The following BRINP2 variants were observed in gnomAD, a reference collection of about 807,000 sequenced individuals.
BRINP2 encodes BMP/retinoic acid inducible neural specific 2, also known as BMP/retinoic acid-inducible neural-specific protein 2.
A neutral mutation model predicts 69.2 loss-of-function variants in BRINP2; 21 were observed. The observed-to-expected ratio is 0.30, with a 90% CI of 0.22 to 0.44. The LOEUF is 0.44. Ranked by LOEUF, BRINP2 falls within the 20% of genes least tolerant of loss-of-function variation. BRINP2 has a pLI of 1.00. For synonymous variants in BRINP2, 380 were observed against 394.1 expected (o/e 0.96, Z 0.42); for missense variants, 877 against 986.0 (o/e 0.89, Z 1.48).
intron 2 of BRINP2, among the ~76,000 whole-genome samples, chr1:177,237,908 T>C (rs1005009195): frequency 6.6e-6 from 1 of 152,138 alleles, no homozygotes; most frequent in African/African-American, 2.4e-5. Context: ...GAATAGCTTT[T>C]TCTAGGTCAA....
chr1:177,230,085 A>C lies in BRINP2; in HGVS notation c.209A>C (p.Glu70Ala), dbSNP rs763621067. The C allele has an allele frequency of 1.2e-6, 2 of 1,613,600 alleles. No individual in the cohort carries two copies. The highest frequency in any genetic ancestry group is 2.7e-5 in the African/African-American group (2 of 74,920). Reference protein sequence around the residue: ...TDRGPFHRAQEYADFMERYRQ... With the variant: ...TDRGPFHRAQAYADFMERYRQ... ...CGGGGCCCCTTCCACCGCGCTCAGG[A>C]GTATGCTGACTTCATGGAGCGGTAC... The change falls in exon 2 of 8, where the codon GAG (glutamate) becomes GCG (alanine). Residue 70 changes from glutamate (E) to alanine (A), a missense_variant. By Grantham distance (107) the Glu-to-Ala change is moderately radical (BLOSUM62 -1). Around this residue, in one of 3 missense-constraint regions of BRINP2, gnomAD observed 566 missense variants for 625.2 expected, o/e 0.91. Transcript: ENST00000361539.
At position 177,199,265 on chromosome 1, in the gene BRINP2, T is replaced by C. The variant is rs559360926; in HGVS notation, c.-77+27533T>C. Among the ~76,000 whole-genome samples, 16 of 152,332 alleles carry C rather than the reference T, an allele frequency of 1.1e-4. No homozygotes were observed. The East Asian group carries it at 2.5e-3, about 24-fold the overall frequency. On this transcript the variant is annotated intron_variant, in intron 1 of 7. Transcript: ENST00000361539. ...AGGAAAATCAATGACCTATTTTCAG[T>C]AGGGTGGTGGTTTTGGTTTCCAACT...
chr1:177,273,552 C>T lies in BRINP2; in HGVS notation c.734C>T (p.Ser245Phe), dbSNP rs138487282. The T allele has an allele frequency of 3.1e-6, 5 of 1,609,392 alleles. No homozygotes were observed. The African/African-American group carries it at 6.7e-5, about 22-fold the overall frequency. Reference sequence around the variant, plus strand: ...TATGACAATCTGGACTCAGTCAGTTCTGTCTTGGTACAGAGTCCAGAGAAC... The same window carrying T: ...TATGACAATCTGGACTCAGTCAGTTTTGTCTTGGTACAGAGTCCAGAGAAC... ...SNYDNLDSVSSVLVQSPENKV... is the reference protein window; with the variant it reads ...SNYDNLDSVSFVLVQSPENKV... The change falls in exon 5 of 8, where the codon TCT (serine) becomes TTT (phenylalanine). Residue 245 changes from serine to phenylalanine, a missense_variant. Ser to Phe is a radical substitution (Grantham distance 155, BLOSUM62 -2). This residue lies in a region of BRINP2 where 566 missense variants were observed against 625.2 expected (regional missense o/e 0.91). Transcript: ENST00000361539.
chr1:177,255,152 A>G (rs2102345664), intron 2 of BRINP2, among the ~76,000 whole-genome samples: 1 of 152,356 alleles, frequency 6.6e-6, no homozygotes, highest in South Asian at 2.1e-4. Context: ...CACAATTATG[A>G]AAACAGATTG....
intron 4 of BRINP2, among the ~76,000 whole-genome samples, chr1:177,269,110 C>T (rs1225350946): frequency 1.3e-5 from 2 of 152,180 alleles, no homozygotes; most frequent in Non-Finnish European, 2.9e-5. Flanking sequence ...TCCCCTGCAG[C>T]CCCCGGATTT....
rs1571953883 is a variant in BRINP2 at position 177,281,351 on chromosome 1, C to T, written c.2175C>T (p.Asp725=). 4 of 1,614,046 alleles carry T rather than the reference C, an allele frequency of 2.5e-6. No individual in the cohort carries two copies. The highest frequency in any genetic ancestry group is 3.4e-6 in the Non-Finnish European group (4 of 1,180,044). ...TCTTGCAGCTCATTGAGCTCAGGGACCGGGTGAACCAGCTTTCTCCACCTG... is the reference window on the plus strand; with the variant it reads ...TCTTGCAGCTCATTGAGCTCAGGGATCGGGTGAACCAGCTTTCTCCACCTG... ...SALLQLIELR[D]RVNQLSPPGK... is the part of the protein sequence containing the mutation. Residue 725 remains aspartate, a synonymous_variant, in exon 8 of 8, where the codon GAC becomes GAT. Coordinates refer to ENST00000361539, the MANE Select transcript of BRINP2 (RefSeq NM_021165.4).
intron 1 of BRINP2, among the ~76,000 whole-genome samples, chr1:177,193,588 C>A (rs1016594470): frequency 2.0e-5 from 3 of 152,142 alleles, no homozygotes; most frequent in African/African-American, 7.2e-5. Flanking sequence ...AGTGATTTGA[C>A]AAAATTTGTA....
At chr1:177,255,158 G>A (rs919805480) in intron 2 of BRINP2, among the ~76,000 whole-genome samples, 1 of 152,202 alleles carries the variant, frequency 6.6e-6, no homozygotes, top group Non-Finnish European at 1.5e-5. Context: ...TATGAAAACA[G>A]ATTGAATGTA....
intron 1 of BRINP2, among the ~76,000 whole-genome samples, chr1:177,183,558 G>C (rs765741331): frequency 2.6e-5 from 4 of 152,180 alleles, no homozygotes; most frequent in Non-Finnish European, 4.4e-5. Context: ...AATGGAGTCA[G>C]ATATTTGATC....
At chr1:177,188,830 C>A (rs1194854350) in intron 1 of BRINP2, among the ~76,000 whole-genome samples, 1 of 151,818 alleles carries the variant, frequency 6.6e-6, no homozygotes, top group Non-Finnish European at 1.5e-5. Flanking sequence ...TAGAAAAAAA[C>A]CCACACCTAT....
chr1:177,281,742 G>A lies in BRINP2; in HGVS notation c.*214G>A. 10 of 466,404 alleles carry A rather than the reference G, an allele frequency of 2.1e-5. No homozygotes were observed. The highest frequency in any genetic ancestry group is 9.9e-5 in the South Asian group (2 of 20,302). 28.9% of individuals were successfully genotyped at this position (466,404 alleles called of 1,614,324 possible). ...CATACACACACACACACACACACTG[G>A]CACAGGGAGGCTACAACTAAGCAGC... On this transcript the variant is annotated 3_prime_UTR_variant, in exon 8 of 8. Coordinates refer to ENST00000361539, the MANE Select transcript of BRINP2 (RefSeq NM_021165.4).
chr1:177,275,212 T>G (rs1299468043), intron 5 of BRINP2: 1 of 456,198 alleles, frequency 2.2e-6, no homozygotes, highest in Non-Finnish European at 4.4e-6. Flanking sequence ...TGTGAGTGGC[T>G]TGAAGCCAAC....
intron 1 of BRINP2, among the ~76,000 whole-genome samples, chr1:177,175,774 C>T (rs1648072002): frequency 6.6e-6 from 1 of 152,186 alleles, no homozygotes; most frequent in African/African-American, 2.4e-5. Context: ...CCTTGAAAAT[C>T]CTTCCCTGGA....
chr1:177,232,810 G>GA (rs542456289), intron 2 of BRINP2, among the ~76,000 whole-genome samples: 292 of 152,118 alleles, frequency 1.9e-3, no homozygotes, highest in African/African-American at 6.8e-3. Context: ...GAGAATATCA[G>GA]AAATGCTTTG....
At position 177,278,717 on chromosome 1, in the gene BRINP2, C is replaced by T. The variant is rs1017297077; in HGVS notation, c.1167C>T (p.Ile389=). The T allele has an allele frequency of 6.8e-6, 11 of 1,614,070 alleles. No individual in the cohort carries two copies. In the East Asian group the frequency reaches 1.3e-4, roughly 20 times the overall value. ...LKVLFKKTHR[I]LRRLFNLCKR... The stretch of plus-strand genomic sequence containing the variant: ...TGCTGTTCAAAAAGACCCATCGGAT[C>T]CTACGCCGGCTCTTCAACCTCTGCA... Residue 389 remains isoleucine (I), a synonymous_variant, in exon 7 of 8, where the codon ATC becomes ATT. Coordinates refer to ENST00000361539, the MANE Select transcript of BRINP2 (RefSeq NM_021165.4).
intron 4 of BRINP2, among the ~76,000 whole-genome samples, chr1:177,257,829 C>A (rs1267515471): frequency 6.6e-6 from 1 of 152,158 alleles, no homozygotes; most frequent in East Asian, 1.9e-4. Flanking sequence ...AAGAAACCAG[C>A]TGTGTGGAGA....
intron 1 of BRINP2, among the ~76,000 whole-genome samples, chr1:177,199,071 A>T (rs777233575): frequency 2.0e-4 from 30 of 152,176 alleles, no homozygotes; most frequent in Non-Finnish European, 4.0e-4. Flanking sequence ...ACCCTTCAAG[A>T]TTTTCATTCA....
intron 2 of BRINP2, among the ~76,000 whole-genome samples, chr1:177,232,455 A>G (rs937085070): frequency 2.0e-5 from 3 of 152,220 alleles, no homozygotes; most frequent in Admixed American, 1.3e-4. Context: ...AACAGTAACC[A>G]GTCATTCTGA....
intron 2 of BRINP2, among the ~76,000 whole-genome samples, chr1:177,233,166 G>A (rs903947578): frequency 1.3e-5 from 2 of 152,306 alleles, no homozygotes; most frequent in South Asian, 4.2e-4. Context: ...AATAGCTGCA[G>A]CCTCTCTAAT....
Sources: gnomAD v4.1 joint callset for allele counts (sites outside exome capture counted in the v4.1 genomes callset) on GRCh38, gnomAD v4.1.1 for gene constraint, gnomAD v4.1.1 regional missense constraint, MANE v1.5 for transcripts, NCBI Gene and HGNC (gene_info 2026-07-23, HGNC 2026-07-21) for gene names.